DPP10: variants seen among roughly 807,000 people sequenced by gnomAD.
The protein encoded by DPP10 is inactive dipeptidyl peptidase 10.
In DPP10, 33 loss-of-function variants were observed where a neutral mutation model predicts 120.9. That is an observed-to-expected ratio of 0.27 (90% CI 0.21 to 0.37). DPP10 has a LOEUF of 0.37. Ranked by LOEUF, DPP10 falls within the 10% of genes least tolerant of loss-of-function variation. The pLI is 1.00. For missense variants in DPP10, 816 were observed against 942.8 expected (o/e 0.87, Z 1.76); for synonymous variants, 337 against 326.1 (o/e 1.03, Z -0.36).
chr2:115,719,057 A>T (rs2092578124), intron 7 of DPP10, among the ~76,000 whole-genome samples: 1 of 152,202 alleles, frequency 6.6e-6, no homozygotes, highest in African/African-American at 2.4e-5. Context: ...AAAATGATTT[A>T]TTCATCACGA....
At chr2:114,593,973 G>A (rs771185382) in intron 1 of DPP10, among the ~76,000 whole-genome samples, 2 of 152,144 alleles carry the variant, frequency 1.3e-5, no homozygotes, top group Non-Finnish European at 2.9e-5. Context: ...TGTCAGGCCT[G>A]CTGAGCTACT....
intron 1 of DPP10, among the ~76,000 whole-genome samples, chr2:115,160,849 G>T (rs1378038141): frequency 7.2e-5 from 11 of 152,074 alleles, no homozygotes; most frequent in Non-Finnish European, 1.5e-5. Context: ...GCAGCCAGGG[G>T]ATTTGGTAGG....
At chr2:115,106,793 G>A (rs903224380) in intron 1 of DPP10, among the ~76,000 whole-genome samples, 19 of 151,958 alleles carry the variant, frequency 1.3e-4, no homozygotes, top group Admixed American at 3.3e-4. Flanking sequence ...TTCTTAAACC[G>A]GGCCGGGCGC....
chr2:115,486,172 C>T (rs1028194054), intron 3 of DPP10, among the ~76,000 whole-genome samples: 5 of 151,958 alleles, frequency 3.3e-5, no homozygotes, highest in Non-Finnish European at 7.4e-5. Flanking sequence ...ATGTCTTTTT[C>T]TTCTATCACC....
At chr2:115,317,959 T>C (rs2061877175) in intron 2 of DPP10, among the ~76,000 whole-genome samples, 1 of 152,148 alleles carries the variant, frequency 6.6e-6, no homozygotes, top group Non-Finnish European at 1.5e-5. Context: ...ACAAAGTTCT[T>C]CATTCACCTG....
chr2:115,147,958 T>C, intron 1 of DPP10, among the ~76,000 whole-genome samples: 1 of 152,198 alleles, frequency 6.6e-6, no homozygotes, highest in African/African-American at 2.4e-5. Flanking sequence ...CTTGGCAATT[T>C]GAGGAGAGAT....
At chr2:114,869,050 C>A (rs1033465771) in intron 1 of DPP10, among the ~76,000 whole-genome samples, 8 of 152,116 alleles carry the variant, frequency 5.3e-5, no homozygotes, top group African/African-American at 1.9e-4. Flanking sequence ...GTGAAAGTTG[C>A]TATTTATTGG....
At chr2:114,900,105 A>G (rs920194174) in intron 1 of DPP10, among the ~76,000 whole-genome samples, 1 of 152,196 alleles carries the variant, frequency 6.6e-6, no homozygotes, top group African/African-American at 2.4e-5. Context: ...GTTATTTCCA[A>G]TTTGGGACTA....
At chr2:114,551,260 A>G (rs553895622) in intron 1 of DPP10, among the ~76,000 whole-genome samples, 1 of 152,270 alleles carries the variant, frequency 6.6e-6, no homozygotes, top group Non-Finnish European at 1.5e-5. Context: ...CCTAAAACAT[A>G]TTCTCAGTGT....
chr2:115,732,563 A>G (rs572448141), intron 8 of DPP10, among the ~76,000 whole-genome samples: 5 of 152,344 alleles, frequency 3.3e-5, no homozygotes, highest in South Asian at 4.1e-4. Context: ...AAATTGCTGT[A>G]TTTAACCTAG....
chr2:114,549,425 T>C (rs1687688521), intron 1 of DPP10, among the ~76,000 whole-genome samples: 1 of 151,942 alleles, frequency 6.6e-6, no homozygotes, highest in Non-Finnish European at 1.5e-5. Flanking sequence ...CATTTTGGGA[T>C]GCCAAGGTGG....
intron 4 of DPP10, among the ~76,000 whole-genome samples, chr2:115,508,630 C>T (rs986075074): frequency 5.9e-5 from 9 of 152,164 alleles, no homozygotes; most frequent in Admixed American, 2.0e-4. Flanking sequence ...ATGAGCCGGG[C>T]TCAATGGCTC....
intron 1 of DPP10, among the ~76,000 whole-genome samples, chr2:115,275,739 G>A (rs1317815088): frequency 7.8e-6 from 1 of 129,028 alleles, no homozygotes; most frequent in Non-Finnish European, 1.5e-5. Context: ...TCGCTCTGTC[G>A]CCCAGGCTGG....
At chr2:114,925,388 C>T (rs909247263) in intron 1 of DPP10, among the ~76,000 whole-genome samples, 2 of 152,074 alleles carry the variant, frequency 1.3e-5, no homozygotes, top group East Asian at 1.9e-4. Context: ...AGAGTTCATT[C>T]CCTCCTTCAG....
chr2:114,741,226 C>A (rs1481781534), intron 1 of DPP10, among the ~76,000 whole-genome samples: 1 of 152,166 alleles, frequency 6.6e-6, no homozygotes, highest in Non-Finnish European at 1.5e-5. Flanking sequence ...GCATGCATAA[C>A]CTTTCTGTAC....
rs372469896 is a variant in DPP10 at position 115,217,209 on chromosome 2, G to C, written c.61-92030G>C. ...ATCCTACGTCTGCTAATTACCAGCT[G>C]TGTGAACTTAGGATAATTATCTAAT... is the stretch of plus-strand genomic sequence containing the variant. On this transcript the variant is annotated intron_variant, in intron 1 of 25. Transcript: ENST00000410059. Among the ~76,000 whole-genome samples, 109 of 152,248 alleles carry C rather than the reference G, an allele frequency of 7.2e-4. 1 individual carries two copies. The highest frequency in any genetic ancestry group is 2.5e-3 in the African/African-American group (102 of 41,554).
chr2:115,413,361 A>G (rs1454286113), intron 3 of DPP10, among the ~76,000 whole-genome samples: 2 of 152,176 alleles, frequency 1.3e-5, no homozygotes, highest in African/African-American at 4.8e-5. Flanking sequence ...AGAGACCATG[A>G]ATCAGTAAAA....
At chr2:115,306,880 G>A (rs936112664) in intron 1 of DPP10, among the ~76,000 whole-genome samples, 15 of 152,160 alleles carry the variant, frequency 9.9e-5, no homozygotes, top group African/African-American at 3.1e-4. Context: ...ACATATTACT[G>A]TGAATTTTCC....
chr2:115,811,177 G>A (rs1686600950), intron 19 of DPP10, among the ~76,000 whole-genome samples: 1 of 152,144 alleles, frequency 6.6e-6, no homozygotes, highest in Non-Finnish European at 1.5e-5. Flanking sequence ...TTAAGTGTAT[G>A]TTGAAATAGA....
Sources: gnomAD v4.1 joint callset for allele counts (sites outside exome capture counted in the v4.1 genomes callset) on GRCh38, gnomAD v4.1.1 for gene constraint, MANE v1.5 for transcripts, NCBI Gene and HGNC (gene_info 2026-07-23, HGNC 2026-07-21) for gene names.